The following RAMP3 variants were observed in gnomAD, a reference collection of about 807,000 sequenced individuals.
RAMP3 encodes the protein receptor activity modifying protein 3.
Under a neutral mutation model 13.5 loss-of-function variants are expected in RAMP3, and 14 were observed. That is an observed-to-expected ratio of 1.04 (90% CI 0.69 to 1.63). The LOEUF (loss-of-function observed/expected upper bound fraction) is 1.63, where lower values mean the gene tolerates loss of function less well. RAMP3 is among the 40% of genes most tolerant of loss of function. The probability of loss-of-function intolerance (pLI) is 0.00; values close to 1 mark genes in which losing one functional copy is unlikely to be tolerated. For synonymous variants in RAMP3, 106 were observed against 88.3 expected (o/e 1.20, Z -1.12); for missense variants, 200 against 204.8 (o/e 0.98, Z 0.14).
chr7:45,164,084 C>G (rs371630556), intron 1 of RAMP3, among the ~76,000 whole-genome samples: 17 of 152,344 alleles, frequency 1.1e-4, no homozygotes, highest in African/African-American at 3.8e-4. Flanking sequence ...GTCACTTCTT[C>G]TTTCCTTTAC....
rs34833718 is a variant in RAMP3, at chr7:45,160,330, C to CAAA, written c.58+2483_58+2485dup. 5.5e-3 allele frequency among the ~76,000 whole-genome samples: 99 copies of CAAA among 17,890 alleles called. 30 individuals carry two copies. Among genetic ancestry groups the CAAA allele is most frequent in the East Asian group, 0.052 (14 of 270 alleles). 11.7% of individuals were successfully genotyped at this position (17,890 alleles called of 152,430 possible). On this transcript the variant is annotated intron_variant, in intron 1 of 2. Coordinates refer to ENST00000242249, the MANE Select transcript of RAMP3 (RefSeq NM_005856.3). ...CTGGTGACAAAGCGAGACTCTGCCT[C>CAAA]AAAAAAAAAAAAAAAAAAAAAAAAA...
chr7:45,177,905 T>A (rs1257434839), intron 2 of RAMP3, among the ~76,000 whole-genome samples: 1 of 152,194 alleles, frequency 6.6e-6, no homozygotes, highest in Non-Finnish European at 1.5e-5. Context: ...CCTGGGAGTG[T>A]CCAGTTCGGG....
chr7:45,176,322 T>A (rs1786185657), intron 1 of RAMP3, among the ~76,000 whole-genome samples: 3 of 152,242 alleles, frequency 2.0e-5, no homozygotes, highest in African/African-American at 7.2e-5. Context: ...GACAGGGCTG[T>A]GTACACACAT....
At chr7:45,183,087 T>A (rs1786350183) in intron 2 of RAMP3, 70 bp from the exon 3 acceptor site, 52 of 1,581,080 alleles carry the variant, frequency 3.3e-5, no homozygotes, top group Non-Finnish European at 4.5e-5. Flanking sequence ...CCCATCTTCC[T>A]GGCCTCAGGT....
At chr7:45,177,482 G>A (rs1562570989) in intron 2 of RAMP3, 41 bp downstream of exon 2, 1 of 1,611,808 alleles carries the variant, frequency 6.2e-7, no homozygotes, top group Non-Finnish European at 8.5e-7. Flanking sequence ...TCTGACCACA[G>A]CGCTGCCCAC....
intron 1 of RAMP3, among the ~76,000 whole-genome samples, chr7:45,168,324 T>G (rs922001485): frequency 2.1e-5 from 3 of 143,884 alleles, no homozygotes; most frequent in Non-Finnish European, 4.5e-5. Flanking sequence ...GAGAATCCCT[T>G]GAACCTGGGA....
chr7:45,181,652 T>C (rs1304794126), intron 2 of RAMP3, among the ~76,000 whole-genome samples: 5 of 152,124 alleles, frequency 3.3e-5, no homozygotes, highest in African/African-American at 9.7e-5. Context: ...CTGGATCAGC[T>C]GGCGGGGGGT....
At chr7:45,166,907 C>T (rs2128656010) in intron 1 of RAMP3, among the ~76,000 whole-genome samples, 1 of 149,470 alleles carries the variant, frequency 6.7e-6, no homozygotes, top group East Asian at 1.9e-4. Context: ...TCCCGAATAG[C>T]TGGGTAATCT....
chr7:45,169,355 T>G (rs1786037084), intron 1 of RAMP3, among the ~76,000 whole-genome samples: 1 of 152,244 alleles, frequency 6.6e-6, no homozygotes, highest in Admixed American at 6.5e-5. Context: ...CTGTTAATTC[T>G]TCTTTCAGTG....
chr7:45,168,097 T>C (rs1196662999), intron 1 of RAMP3, among the ~76,000 whole-genome samples: 2 of 152,072 alleles, frequency 1.3e-5, no homozygotes, highest in Non-Finnish European at 2.9e-5. Context: ...TTTATGTAGA[T>C]CTTTTAAAAT....
In RAMP3 at chr7:45,178,647, G is replaced by A. The variant is rs117228429; in HGVS notation, c.191+1206G>A. ...TGGGATTCAGGAAGGGGTTTTGCAG[G>A]CTCCTCCTGGTCCTCAGTGAGCCTG... On this transcript the variant is annotated intron_variant, in intron 2 of 2. Transcript: ENST00000242249. Among the ~76,000 whole-genome samples, 144 of 152,360 alleles carry A rather than the reference G, an allele frequency of 9.5e-4. 4 individuals carry two copies. The East Asian group carries it at 0.026, about 27-fold the overall frequency.
chr7:45,158,973 G>T (rs1181268218), intron 1 of RAMP3, among the ~76,000 whole-genome samples: 1 of 152,230 alleles, frequency 6.6e-6, no homozygotes, highest in East Asian at 1.9e-4. Flanking sequence ...AACTTCCAGT[G>T]AGCGCCCCTT....
intron 1 of RAMP3, among the ~76,000 whole-genome samples, chr7:45,166,890 C>T (rs1436343554): frequency 4.0e-5 from 6 of 151,468 alleles, no homozygotes; most frequent in African/African-American, 1.5e-4. Flanking sequence ...ATTCTTGTGC[C>T]TCAGCCTCCC....
chr7:45,159,252 C>T (rs924238839), intron 1 of RAMP3, among the ~76,000 whole-genome samples: 11 of 152,216 alleles, frequency 7.2e-5, no homozygotes, highest in Admixed American at 1.3e-4. Context: ...TCCAGCTTCT[C>T]AGCAGACCCT....
chr7:45,163,275 C>A (rs577866142), intron 1 of RAMP3: 1 of 985,344 alleles, frequency 1.0e-6, no homozygotes, highest in Non-Finnish European at 1.2e-6. Context: ...GCCCCCAAGC[C>A]TCAGGGCTTT....
chr7:45,161,881 C>T (rs996214147), intron 1 of RAMP3, among the ~76,000 whole-genome samples: 7 of 151,912 alleles, frequency 4.6e-5, no homozygotes, highest in East Asian at 1.9e-4. Context: ...TAGCCTGGCT[C>T]GTGCCCATTG....
At chr7:45,183,063 C>A in intron 2 of RAMP3, 94 bp from the exon 3 acceptor site, 1 of 1,543,884 alleles carries the variant, frequency 6.5e-7, no homozygotes, top group Non-Finnish European at 8.7e-7. Context: ...TGGGACTGTA[C>A]CCAAGCCACC....
At chr7:45,165,174 TC>T (rs2128655668) in intron 1 of RAMP3, among the ~76,000 whole-genome samples, 1 of 152,320 alleles carries the variant, frequency 6.6e-6, no homozygotes, top group African/African-American at 2.4e-5. Flanking sequence ...ATGGTATACA[TC>T]TTTAATTCAT....
chr7:45,165,535 A>T (rs894894055), intron 1 of RAMP3, among the ~76,000 whole-genome samples: 1 of 152,238 alleles, frequency 6.6e-6, no homozygotes, highest in African/African-American at 2.4e-5. Flanking sequence ...AGCCAGCATT[A>T]TTGAGATATA....
Sources: allele counts gnomAD v4.1 joint callset (sites outside exome capture counted in the v4.1 genomes callset), GRCh38; gene constraint gnomAD v4.1.1; transcripts MANE v1.5; gene names NCBI Gene and HGNC (gene_info 2026-07-23, HGNC 2026-07-21).